Variants in APMAP observed in about 807,000 individuals in gnomAD.
APMAP encodes the protein adipocyte plasma membrane associated protein, also known as adipocyte plasma membrane-associated protein.
Under a neutral mutation model 43.6 loss-of-function variants are expected in APMAP, and 33 were observed. The ratio of observed to expected loss-of-function variants is 0.76; its 90% CI spans 0.57 to 1.01. The LOEUF (loss-of-function observed/expected upper bound fraction) is 1.01. APMAP is among the 50% of genes least tolerant of loss of function. The pLI is 0.00. For synonymous variants in APMAP, 224 were observed against 216.7 expected (o/e 1.03, Z -0.30); for missense variants, 498 against 540.7 (o/e 0.92, Z 0.78).
chr20:24,983,527 A>G (rs988816901), intron 2 of APMAP, among the ~76,000 whole-genome samples: 4 of 152,238 alleles, frequency 2.6e-5, no homozygotes, highest in Non-Finnish European at 5.9e-5. Context: ...AAAGAACACT[A>G]ATTATGGGTT....
At chr20:24,981,940 G>C (rs11908150) in intron 2 of APMAP, among the ~76,000 whole-genome samples, 74 of 152,240 alleles carry the variant, frequency 4.9e-4, no homozygotes, top group African/African-American at 1.8e-3. Flanking sequence ...GGGATGGCGT[G>C]CATGGGGCAT....
chr20:24,984,063 A>C, intron 1 of APMAP, 44 bp from the exon 2 acceptor site: 1 of 1,519,178 alleles, frequency 6.6e-7, no homozygotes, highest in Non-Finnish European at 9.1e-7. Flanking sequence ...TGAGTCTCAG[A>C]CAGTGACAAG....
chr20:24,973,390 C>T (rs1050006995), intron 4 of APMAP, among the ~76,000 whole-genome samples: 2 of 152,180 alleles, frequency 1.3e-5, no homozygotes, highest in African/African-American at 4.8e-5. Flanking sequence ...AGGGGCGAGG[C>T]CCATGCAGTA....
At position 24,980,357 on chromosome 20, in the gene APMAP, G is replaced by A. The variant is rs181695624; in HGVS notation, c.213-1475C>T. 3.1e-3 allele frequency among the ~76,000 whole-genome samples: 470 copies of A among 152,360 alleles called. 3 individuals carry two copies. The highest frequency in any genetic ancestry group is 0.011 in the African/African-American group (456 of 41,586). ...TAAAGCTCTCTTCACAGCAAAAGAG[G>A]AAGGAAGGGAAACCCCACCTGGGGC... On this transcript the variant is annotated intron_variant, in intron 2 of 8. Transcript: ENST00000217456.
intron 6 of APMAP, 143 bp from the exon 7 acceptor site, chr20:24,969,803 G>A: frequency 2.5e-6 from 3 of 1,190,228 alleles, no homozygotes; most frequent in Non-Finnish European, 3.4e-6. Flanking sequence ...TTGATTCGAG[G>A]CTGGCCCCTG....
At chr20:24,979,527 G>C (rs766989247) in intron 2 of APMAP, among the ~76,000 whole-genome samples, 1 of 151,970 alleles carries the variant, frequency 6.6e-6, no homozygotes, top group Non-Finnish European at 1.5e-5. Flanking sequence ...AGTATGTCAC[G>C]CCTCCCAACC....
intron 1 of APMAP, among the ~76,000 whole-genome samples, chr20:24,984,539 T>A (rs2088132081): frequency 6.6e-6 from 1 of 152,206 alleles, no homozygotes; most frequent in South Asian, 2.1e-4. Context: ...GAGGATCCAA[T>A]TCCCCAATCA....
chr20:24,990,769 G>A (rs930330538), intron 1 of APMAP, among the ~76,000 whole-genome samples: 1 of 152,080 alleles, frequency 6.6e-6, no homozygotes, highest in Non-Finnish European at 1.5e-5. Flanking sequence ...GAGAAATGCA[G>A]AAGAAAAATA....
intron 4 of APMAP, among the ~76,000 whole-genome samples, 172 bp downstream of exon 4, chr20:24,973,473 C>A (rs2088022634): frequency 6.6e-6 from 1 of 152,230 alleles, no homozygotes; most frequent in Non-Finnish European, 1.5e-5. Flanking sequence ...CCGTGAGGCC[C>A]AAGGACCACC....
chr20:24,965,569 G>A (rs2087935518), intron 8 of APMAP, among the ~76,000 whole-genome samples: 1 of 152,232 alleles, frequency 6.6e-6, no homozygotes, highest in African/African-American at 2.4e-5. Flanking sequence ...CACACGGGGT[G>A]AGGAGGTGTC....
Position 24,963,719 on chromosome 20 carries a change from A to G in APMAP, c.*94T>C. On this transcript the variant is annotated 3_prime_UTR_variant, in exon 9 of 9. Coordinates refer to ENST00000217456, the MANE Select transcript of APMAP (RefSeq NM_020531.3). The stretch of plus-strand genomic sequence containing the variant: ...CTAACAGGTGCATGTGGACACTTGA[A>G]CCACGACTGTGTCCACAGCTCCTCC... 1 of 1,318,344 alleles carries G rather than the reference A, an allele frequency of 7.6e-7. No homozygotes were observed. Among genetic ancestry groups the G allele is most frequent in the South Asian group, 1.3e-5 (1 of 76,464 alleles). 81.7% of individuals were successfully genotyped at this position (1,318,344 alleles called of 1,614,324 possible).
intron 1 of APMAP, among the ~76,000 whole-genome samples, chr20:24,986,865 G>A (rs2088152344): frequency 6.6e-6 from 1 of 152,222 alleles, no homozygotes; most frequent in South Asian, 2.1e-4. Flanking sequence ...CCAAGAGCAA[G>A]AGGAGGGAGT....
At chr20:24,977,516 T>C (rs950386940) in intron 3 of APMAP, among the ~76,000 whole-genome samples, 1 of 152,072 alleles carries the variant, frequency 6.6e-6, no homozygotes, top group African/African-American at 2.4e-5. Flanking sequence ...CAGGACAGCT[T>C]CCAAATGAGG....
intron 3 of APMAP, among the ~76,000 whole-genome samples, 164 bp downstream of exon 3, chr20:24,978,603 C>T (rs2088070944): frequency 6.6e-6 from 1 of 152,180 alleles, no homozygotes; most frequent in Non-Finnish European, 1.5e-5. Flanking sequence ...CCACTAGGGC[C>T]TCCCATGTGA....
In APMAP at chr20:24,966,042, C is replaced by T. The variant is rs112069594; in HGVS notation, c.1042-2020G>A. 6.1e-3 allele frequency among the ~76,000 whole-genome samples: 930 copies of T among 152,244 alleles called. 15 individuals are homozygous for T. The highest frequency in any genetic ancestry group is 0.022 in the African/African-American group (906 of 41,522). On this transcript the variant is annotated intron_variant, in intron 8 of 8. Transcript: ENST00000217456. ...TACTCCCAGCGTTGTCCCTTAGGGA[C>T]CTGGGAGCAGCGACACCCAAAGCAG...
Position 24,992,695 on chromosome 20 carries a change from G to T in APMAP, c.-7C>A. 6.6e-7 allele frequency: 1 copy of T among 1,511,668 alleles called. No individual in the cohort carries two copies. The highest frequency in any genetic ancestry group is 1.2e-5 in the South Asian group (1 of 81,850). 93.6% of individuals were successfully genotyped at this position (1,511,668 alleles called of 1,614,324 possible). A position where few individuals can be genotyped will look rare whatever the true frequency, so the allele number is the denominator to read the frequency against. ...GCCCGTCCGCCTCGCTCATGGTACG[G>T]GCGCCAGCCTCACCCGCAGAAACCA... On this transcript the variant is annotated 5_prime_UTR_variant, in exon 1 of 9. Transcript: ENST00000217456.
intron 1 of APMAP, among the ~76,000 whole-genome samples, chr20:24,985,718 A>G (rs1600290333): frequency 2.0e-5 from 3 of 152,338 alleles, no homozygotes; most frequent in East Asian, 3.9e-4. Flanking sequence ...AGGAAGGAAG[A>G]ATTCTGAGGA....
At chr20:24,970,616 C>T (rs2087990635) in intron 5 of APMAP, among the ~76,000 whole-genome samples, 1 of 152,194 alleles carries the variant, frequency 6.6e-6, no homozygotes, top group African/African-American at 2.4e-5. Flanking sequence ...CTAAGGCCAA[C>T]TGACTTGATA....
At position 24,970,291 on chromosome 20, in the gene APMAP, G is replaced by A. The variant is rs930529385; in HGVS notation, c.619C>T (p.Gln207Ter). The A allele has an allele frequency of 5.0e-6, 8 of 1,613,832 alleles. No individual in the cohort carries two copies. Among genetic ancestry groups the A allele is most frequent in the Non-Finnish European group, 5.9e-6 (7 of 1,179,988 alleles). ...GTGAAATAAATCTTCCTCCCATCCTGAGTGACTGTAAGATCATTCACAAAG... is the reference window on the plus strand; with the variant it reads ...GTGAAATAAATCTTCCTCCCATCCTAAGTGACTGTAAGATCATTCACAAAG... ...MSFVNDLTVT[Q>*]DGRKIYFTDS... is the part of the protein sequence containing the mutation. The change falls in exon 6 of 9, where the codon CAG becomes TAG. Residue 207 changes from glutamine (Q) to a stop codon, truncating the protein, a stop_gained. Coordinates refer to ENST00000217456, the MANE Select transcript of APMAP (RefSeq NM_020531.3). LOFTEE classifies it high-confidence loss of function.
Sources: allele counts gnomAD v4.1 joint callset (sites outside exome capture counted in the v4.1 genomes callset), GRCh38; gene constraint gnomAD v4.1.1; transcripts MANE v1.5; gene names NCBI Gene and HGNC (gene_info 2026-07-23, HGNC 2026-07-21).